Variants in MYO10 observed in about 807,000 individuals in gnomAD.
The protein encoded by MYO10 is myosin X.
In MYO10, 133 loss-of-function variants were observed where a neutral mutation model predicts 257.3. The observed-to-expected ratio is 0.52, with a 90% CI of 0.45 to 0.60. MYO10 has a LOEUF of 0.60. Ranked by LOEUF, MYO10 falls within the 20% of genes least tolerant of loss-of-function variation. The pLI is 0.00. For synonymous variants in MYO10, 1,104 were observed against 1,028.6 expected (o/e 1.07, Z -1.40); for missense variants, 2,399 against 2,635.7 (o/e 0.91, Z 1.97).
At chr5:16,699,727 C>A in intron 25 of MYO10, 154 bp from the exon 26 acceptor site, 1 of 778,208 alleles carries the variant, frequency 1.3e-6, no homozygotes. Context: ...GCAGTGACTG[C>A]ACTGAGCAGA....
chr5:16,778,640 C>T (rs563138279), intron 9 of MYO10, among the ~76,000 whole-genome samples: 1 of 150,232 alleles, frequency 6.7e-6, no homozygotes, highest in South Asian at 2.1e-4. Flanking sequence ...TGGAAATCAA[C>T]ATGTGAGGTG....
intron 2 of MYO10, among the ~76,000 whole-genome samples, chr5:16,859,827 AC>A (rs1744059679): frequency 6.6e-6 from 1 of 151,480 alleles, no homozygotes; most frequent in African/African-American, 2.4e-5. Context: ...ACCTTCACCC[AC>A]CCCCAGAGCT....
chr5:16,752,363 G>A (rs55807602), intron 19 of MYO10, among the ~76,000 whole-genome samples: 5,296 of 152,064 alleles, frequency 0.035, 268 homozygotes, highest in African/African-American at 0.12. Flanking sequence ...GCTCACTGCA[G>A]CCTCCGCCTC....
chr5:16,785,004 C>T (rs34236494), intron 4 of MYO10, among the ~76,000 whole-genome samples: 4 of 8,930 alleles, frequency 4.5e-4, no homozygotes, highest in African/African-American at 1.1e-3. Context: ...GGGAGGTTTG[C>T]GCGCACACAC....
intron 2 of MYO10, among the ~76,000 whole-genome samples, chr5:16,873,942 T>C (rs183531193): frequency 1.3e-5 from 2 of 152,224 alleles, no homozygotes; most frequent in African/African-American, 2.4e-5. Flanking sequence ...AGGTCTCTGA[T>C]ATGGCCTGGA....
At chr5:16,699,291 A>G (rs774135663) in intron 26 of MYO10, among the ~76,000 whole-genome samples, 159 bp downstream of exon 26, 1 of 152,218 alleles carries the variant, frequency 6.6e-6, no homozygotes, top group Admixed American at 6.5e-5. Context: ...TAAGTGGCCC[A>G]ACACTGAGGT....
chr5:16,681,247 G>C (rs868655581), intron 32 of MYO10, 62 bp downstream of exon 32: 1 of 1,492,750 alleles, frequency 6.7e-7, no homozygotes, highest in Non-Finnish European at 9.1e-7. Context: ...TTATTCCTTT[G>C]CCCGGAGCAA....
intron 2 of MYO10, among the ~76,000 whole-genome samples, chr5:16,829,359 G>C (rs531272322): frequency 6.6e-6 from 1 of 152,134 alleles, no homozygotes; most frequent in East Asian, 1.9e-4. Context: ...ACACAGCACC[G>C]AGACTTTCTA....
Position 16,672,943 on chromosome 5 carries a change from C to T in MYO10, c.5173-118G>A. On this transcript the variant is annotated intron_variant, in intron 36 of 40. Coordinates refer to ENST00000513610, the MANE Select transcript of MYO10 (RefSeq NM_012334.3). Reference sequence around the variant, plus strand: ...GCTGGCACAAGGGCGTCTCCAGCCTCCTAAAAATGTTACCCGTGTGGTCAT... The same window carrying T: ...GCTGGCACAAGGGCGTCTCCAGCCTTCTAAAAATGTTACCCGTGTGGTCAT... The T allele has an allele frequency of 2.5e-6, 3 of 1,183,918 alleles. No individual in the cohort carries two copies. The South Asian group carries it at 4.8e-5, about 19-fold the overall frequency. The allele number at this position is 1,183,918 out of a possible 1,614,324, so 73.3% of individuals were successfully genotyped here.
At position 16,762,102 on chromosome 5, in the gene MYO10, A is replaced by AAAGT; in HGVS notation, c.1595_1598dup (p.Phe533LeufsTer11). The AAAGT allele has an allele frequency of 6.9e-7, 1 of 1,454,410 alleles. No homozygotes were observed. The highest frequency in any genetic ancestry group is 1.4e-5 in the South Asian group (1 of 70,870). 90.1% of individuals were successfully genotyped at this position (1,454,410 alleles called of 1,614,324 possible). A position where few individuals can be genotyped will look rare whatever the true frequency, so the allele number is the denominator to read the frequency against. On this transcript the variant is annotated frameshift_variant, in exon 16 of 41. Transcript: ENST00000513610. LOFTEE classifies it high-confidence loss of function. Reference sequence around the variant, plus strand: ...TAACTGCAACTCTGGGCTTCACATAAAAGTGGTTATTCTAAAAAAAAAAAA... The same window carrying AAAGT: ...TAACTGCAACTCTGGGCTTCACATAAAAGTAAGTGGTTATTCTAAAAAAAAAAAA...
Position 16,674,853 on chromosome 5 carries a change from C to T in MYO10, c.4964G>A (p.Arg1655Lys). ...ILKYLKFHLK[R>K]IREQFPGSEM... ...CATCTCCCGTGCCCCCATGCTTTACCTTTTCAGATGGAACTTGAGATACTT... is the reference window on the plus strand; with the variant it reads ...CATCTCCCGTGCCCCCATGCTTTACTTTTTCAGATGGAACTTGAGATACTT... The change falls in exon 35 of 41, where the codon AGG (arginine) becomes AAG (lysine). Residue 1655 changes from arginine to lysine, a missense_variant and splice_region_variant. This residue lies in a region of MYO10 where 1,820 missense variants were observed against 1,939.4 expected (regional missense o/e 0.94). Transcript: ENST00000513610. 6.2e-7 allele frequency: 1 copy of T among 1,613,772 alleles called. No individual in the cohort carries two copies.
chr5:16,727,543 A>G (rs1043545800), intron 19 of MYO10, among the ~76,000 whole-genome samples: 3 of 152,340 alleles, frequency 2.0e-5, no homozygotes, highest in Admixed American at 6.5e-5. Flanking sequence ...TCACGAGGCT[A>G]ATGACTCTGA....
intron 3 of MYO10, among the ~76,000 whole-genome samples, chr5:16,812,366 T>C (rs181759861): frequency 1.2e-3 from 179 of 152,270 alleles, no homozygotes; most frequent in African/African-American, 4.1e-3. Context: ...TCCAGACCTA[T>C]GGACACTGGC....
Position 16,702,540 on chromosome 5 carries a change from T to C in MYO10, c.2556+3A>G. On this transcript the variant is annotated splice_donor_region_variant and intron_variant, in intron 24 of 40. Coordinates refer to ENST00000513610, the MANE Select transcript of MYO10 (RefSeq NM_012334.3). Reference sequence around the variant, plus strand: ...GAGGCTAAGTTGTCACTGCACTCATTACCTGCTGGGCGCGGAGCTCGGCTT... The same window carrying C: ...GAGGCTAAGTTGTCACTGCACTCATCACCTGCTGGGCGCGGAGCTCGGCTT... 1.3e-6 allele frequency: 2 copies of C among 1,590,704 alleles called. No homozygotes were observed. Among genetic ancestry groups the C allele is most frequent in the Non-Finnish European group, 1.7e-6 (2 of 1,167,858 alleles).
chr5:16,824,048 G>A (rs1034764588), intron 2 of MYO10, among the ~76,000 whole-genome samples: 1 of 152,058 alleles, frequency 6.6e-6, no homozygotes, highest in Non-Finnish European at 1.5e-5. Flanking sequence ...ATTGGCGTGG[G>A]GGCAGAACAA....
intron 1 of MYO10, among the ~76,000 whole-genome samples, chr5:16,903,273 C>T (rs557312905): frequency 2.6e-5 from 4 of 152,280 alleles, no homozygotes; most frequent in African/African-American, 4.8e-5. Flanking sequence ...GGCGTGGTAG[C>T]GCATGCCTGT....
At chr5:16,683,788 C>G in intron 30 of MYO10, 92 bp downstream of exon 30, 6 of 1,271,212 alleles carry the variant, frequency 4.7e-6, no homozygotes, top group Non-Finnish European at 4.5e-6. Flanking sequence ...ATTTCACAGC[C>G]CTGTGAAGAG....
At chr5:16,668,593 T>C (rs370450782) in intron 39 of MYO10, 125 bp from the exon 40 acceptor site, 4 of 687,004 alleles carry the variant, frequency 5.8e-6, no homozygotes, top group South Asian at 5.8e-5. Context: ...TCGATGTGCA[T>C]GCATGCATGG....
chr5:16,719,871 G>A (rs1739068934), intron 19 of MYO10, among the ~76,000 whole-genome samples: 2 of 152,244 alleles, frequency 1.3e-5, no homozygotes, highest in Admixed American at 6.5e-5. Context: ...GGCTGAGGCA[G>A]GACAATCACT....
Sources: allele counts gnomAD v4.1 joint callset (sites outside exome capture counted in the v4.1 genomes callset), GRCh38; gene constraint gnomAD v4.1.1; regional missense constraint gnomAD v4.1.1; transcripts MANE v1.5; gene names NCBI Gene and HGNC (gene_info 2026-07-23, HGNC 2026-07-21).